ANGPT1: variants seen among roughly 807,000 people sequenced by gnomAD.
ANGPT1 encodes angiopoietin 1.
In ANGPT1, 17 loss-of-function variants were observed where a neutral mutation model predicts 62.2. That is an observed-to-expected ratio of 0.27 (90% confidence interval 0.19 to 0.41). ANGPT1 has a LOEUF of 0.41. Ranked by LOEUF, ANGPT1 falls within the 10% of genes least tolerant of loss-of-function variation. The pLI is 1.00. For missense variants in ANGPT1, 478 were observed against 594.9 expected (o/e 0.80, Z 2.04); for synonymous variants, 199 against 198.9 (o/e 1.00, Z 0.00).
At chr8:107,456,682 C>A (rs1323426269) in intron 1 of ANGPT1, among the ~76,000 whole-genome samples, 1 of 151,944 alleles carries the variant, frequency 6.6e-6, no homozygotes, top group Non-Finnish European at 1.5e-5. Flanking sequence ...TTAAATGTGA[C>A]CTTTTACTTT....
rs368325149 is a variant in ANGPT1 at position 107,339,226 on chromosome 8, T to C, written c.454-2955A>G. ...TGTCACACAGCATCCAGAGGGATCT[T>C]TTTGAACACATAAATCAGATCATGC... is the stretch of plus-strand genomic sequence containing the variant. On this transcript the variant is annotated intron_variant, in intron 2 of 8. Transcript: ENST00000517746. Among the ~76,000 whole-genome samples the C allele has an allele frequency of 2.0e-5, 3 of 152,278 alleles. No individual in the cohort carries two copies. In the East Asian group the frequency reaches 5.8e-4, roughly 30 times the overall value.
At chr8:107,482,068 C>T (rs557498420) in intron 1 of ANGPT1, among the ~76,000 whole-genome samples, 1 of 152,288 alleles carries the variant, frequency 6.6e-6, no homozygotes, top group South Asian at 2.1e-4. Context: ...ACTAAGATGG[C>T]TGGTATCACG....
chr8:107,333,853 TG>T (rs904140845), intron 3 of ANGPT1, among the ~76,000 whole-genome samples: 3 of 148,698 alleles, frequency 2.0e-5, no homozygotes, highest in African/African-American at 7.5e-5. Flanking sequence ...AAAATCATGA[TG>T]GGAAGACAAG....
At chr8:107,361,862 C>T (rs1192683376) in intron 1 of ANGPT1, among the ~76,000 whole-genome samples, 1 of 151,922 alleles carries the variant, frequency 6.6e-6, no homozygotes, top group Non-Finnish European at 1.5e-5. Context: ...AGTTCAAGAC[C>T]AGCCTGGCCA....
At chr8:107,430,032 T>C (rs538186064) in intron 1 of ANGPT1, among the ~76,000 whole-genome samples, 9 of 152,344 alleles carry the variant, frequency 5.9e-5, no homozygotes, top group Admixed American at 5.2e-4. Flanking sequence ...AACATACATA[T>C]GAATCAACTT....
chr8:107,254,643 C>G (rs1440322265), intron 8 of ANGPT1, among the ~76,000 whole-genome samples: 2 of 152,000 alleles, frequency 1.3e-5, no homozygotes, highest in African/African-American at 4.8e-5. Context: ...CCCTGCTAAG[C>G]AGAATACAGC....
intron 1 of ANGPT1, among the ~76,000 whole-genome samples, chr8:107,434,744 T>A (rs938758042): frequency 6.6e-6 from 1 of 152,234 alleles, no homozygotes; most frequent in Non-Finnish European, 1.5e-5. Context: ...ATTTTTGATA[T>A]ACTGATAATG....
chr8:107,312,063 C>CA (rs927603600), intron 4 of ANGPT1, among the ~76,000 whole-genome samples: 4,782 of 70,564 alleles, frequency 0.068, 189 homozygotes, highest in African/African-American at 0.15. Flanking sequence ...GACTCCGTTT[C>CA]AAAAAAAAAA....
chr8:107,313,169 A>G (rs1814918148), intron 4 of ANGPT1, among the ~76,000 whole-genome samples: 1 of 152,170 alleles, frequency 6.6e-6, no homozygotes, highest in African/African-American at 2.4e-5. Flanking sequence ...TATAATAAAT[A>G]CACAAGTTAA....
chr8:107,308,416 C>T (rs1409796641), intron 4 of ANGPT1, among the ~76,000 whole-genome samples: 4 of 152,122 alleles, frequency 2.6e-5, no homozygotes, highest in Non-Finnish European at 5.9e-5. Context: ...TGGCAATCAA[C>T]CTGGTCACAA....
At chr8:107,420,005 G>A (rs557121929) in intron 1 of ANGPT1, among the ~76,000 whole-genome samples, 2 of 152,234 alleles carry the variant, frequency 1.3e-5, no homozygotes, top group South Asian at 4.1e-4. Context: ...GGAATCTTAG[G>A]TTTAGAGAGG....
intron 1 of ANGPT1, among the ~76,000 whole-genome samples, chr8:107,460,353 T>C (rs1812035929): frequency 1.3e-5 from 2 of 152,144 alleles, no homozygotes; most frequent in Admixed American, 1.3e-4. Flanking sequence ...ATAGACCATG[T>C]CTTTGGGAGA....
intron 1 of ANGPT1, among the ~76,000 whole-genome samples, chr8:107,448,469 C>A (rs1811675965): frequency 6.6e-6 from 1 of 152,060 alleles, no homozygotes; most frequent in Non-Finnish European, 1.5e-5. Flanking sequence ...ATATAAGTAT[C>A]TAGTAAAAGA....
intron 7 of ANGPT1, among the ~76,000 whole-genome samples, chr8:107,267,490 A>G (rs1262755134): frequency 3.3e-5 from 5 of 152,104 alleles, no homozygotes; most frequent in African/African-American, 9.7e-5. Context: ...CAGTAAAGAG[A>G]CATCTTTCCA....
chr8:107,491,242 G>A (rs181539141), intron 1 of ANGPT1, among the ~76,000 whole-genome samples: 12 of 151,938 alleles, frequency 7.9e-5, no homozygotes, highest in Admixed American at 2.0e-4. Context: ...ATAGAGAGTC[G>A]CTCATTCTGC....
rs902073239 is a variant in ANGPT1 at position 107,250,602 on chromosome 8, C to A, written c.*1253G>T. The A allele has an allele frequency of 6.6e-6, 1 of 152,036 alleles. No individual in the cohort carries two copies. The highest frequency in any genetic ancestry group is 2.4e-5 in the African/African-American group (1 of 41,436). 9.4% of individuals were successfully genotyped at this position (152,036 alleles called of 1,614,324 possible). A position where few individuals can be genotyped will look rare whatever the true frequency, so the allele number is the denominator to read the frequency against. ...CTTTGAGCATTTGTGTTATTTGCAT[C>A]AATTAAGGACAATGTTGCATATTCC... On this transcript the variant is annotated 3_prime_UTR_variant, in exon 9 of 9. Coordinates refer to ENST00000517746, the MANE Select transcript of ANGPT1 (RefSeq NM_001146.5).
chr8:107,300,124 ATATAG>A (rs914343077), intron 5 of ANGPT1, among the ~76,000 whole-genome samples: 18 of 145,340 alleles, frequency 1.2e-4, no homozygotes, highest in African/African-American at 3.2e-4. Context: ...TATAGTATAT[ATATAG>A]TATAGTATAG....
intron 1 of ANGPT1, among the ~76,000 whole-genome samples, chr8:107,445,323 T>C (rs539964197): frequency 7.6e-4 from 116 of 152,214 alleles, no homozygotes; most frequent in African/African-American, 2.6e-3. Context: ...TTGGATGCAA[T>C]GGGGAGGGAG....
chr8:107,267,791 C>T (rs948957454), intron 7 of ANGPT1, among the ~76,000 whole-genome samples: 1 of 151,972 alleles, frequency 6.6e-6, no homozygotes, highest in Non-Finnish European at 1.5e-5. Context: ...TCTCACCCAC[C>T]CTAACCCTCC....
Sources: allele counts gnomAD v4.1 joint callset (sites outside exome capture counted in the v4.1 genomes callset), GRCh38; gene constraint gnomAD v4.1.1; transcripts MANE v1.5; gene names NCBI Gene and HGNC (gene_info 2026-07-23, HGNC 2026-07-21).